The following COL5A2 variants were observed in gnomAD, a reference collection of about 807,000 sequenced individuals.
COL5A2 encodes the protein collagen type V alpha 2 chain.
A neutral mutation model predicts 208.2 loss-of-function variants in COL5A2; 23 were observed. The ratio of observed to expected loss-of-function variants is 0.11; its 90% CI spans 0.08 to 0.16. The LOEUF is 0.16. Among genes scored for constraint, COL5A2 ranks in the 10% least tolerant of loss-of-function variants. The pLI is 1.00. For missense variants in COL5A2, 1,590 were observed against 1,956.4 expected (o/e 0.81, Z 3.53); for synonymous variants, 625 against 628.5 (o/e 0.99, Z 0.08).
the COL5A2 span, among the ~76,000 whole-genome samples, chr2:189,255,158 C>G: frequency 2.0e-3 from 301 of 152,272 alleles, 7 homozygotes; most frequent in East Asian, 0.049. Flanking sequence ...TGATAGGACT[C>G]TCAGAATGCA....
chr2:189,304,573 C>T, the COL5A2 span, among the ~76,000 whole-genome samples: 2 of 152,234 alleles, frequency 1.3e-5, no homozygotes, highest in East Asian at 3.9e-4. Context: ...GAAGGTGCCA[C>T]ACTTTAAAAC....
the COL5A2 span, among the ~76,000 whole-genome samples, chr2:189,386,514 A>G: frequency 6.6e-6 from 1 of 152,204 alleles, no homozygotes; most frequent in Non-Finnish European, 1.5e-5. Context: ...TGTGCACAGC[A>G]AAAGAAATTA....
chr2:189,434,192 A>G, the COL5A2 span, among the ~76,000 whole-genome samples: 1 of 152,208 alleles, frequency 6.6e-6, no homozygotes, highest in African/African-American at 2.4e-5. Context: ...AAATAATAAC[A>G]GCTATTTATG....
chr2:189,078,662 A>G, intron 15 of COL5A2, 93 bp from the exon 16 acceptor site: 1 of 1,022,706 alleles, frequency 9.8e-7, no homozygotes, highest in East Asian at 2.4e-5. Flanking sequence ...GAGATTCAAG[A>G]TAATTGGCCA....
At chr2:189,132,840 G>T (rs886351627) in intron 1 of COL5A2, among the ~76,000 whole-genome samples, 3 of 151,710 alleles carry the variant, frequency 2.0e-5, no homozygotes, top group Admixed American at 6.6e-5. Flanking sequence ...AGAATCGCTT[G>T]AATCCAGGAG....
At chr2:189,256,286 A>G in the COL5A2 span, among the ~76,000 whole-genome samples, 3 of 152,234 alleles carry the variant, frequency 2.0e-5, no homozygotes, top group African/African-American at 7.2e-5. Flanking sequence ...GAGGGACAAG[A>G]CTGAAAACAG....
At chr2:189,390,129 G>C in the COL5A2 span, among the ~76,000 whole-genome samples, 1 of 151,210 alleles carries the variant, frequency 6.6e-6, no homozygotes, top group Non-Finnish European at 1.5e-5. Context: ...CCTAAAATAT[G>C]ATCAAAATAG....
At chr2:189,161,380 C>T (rs1222847981) in intron 1 of COL5A2, among the ~76,000 whole-genome samples, 1 of 151,720 alleles carries the variant, frequency 6.6e-6, no homozygotes, top group Non-Finnish European at 1.5e-5. Context: ...TCTTTGTGTC[C>T]CTATACTCTG....
At chr2:189,039,928 GTTTTAAAAT>G (rs1685523644) in intron 50 of COL5A2, among the ~76,000 whole-genome samples, 3 of 152,138 alleles carry the variant, frequency 2.0e-5, no homozygotes, top group Non-Finnish European at 4.4e-5. Context: ...CAACCAAAAT[GTTTTAAAAT>G]TATTTTTGGA....
chr2:189,037,247 G>A (rs1685462630), intron 51 of COL5A2, among the ~76,000 whole-genome samples: 1 of 152,104 alleles, frequency 6.6e-6, no homozygotes, highest in Non-Finnish European at 1.5e-5. Context: ...ATTACAATTA[G>A]AATGCTATGA....
chr2:189,358,620 G>C, the COL5A2 span, among the ~76,000 whole-genome samples: 1 of 152,096 alleles, frequency 6.6e-6, no homozygotes, highest in African/African-American at 2.4e-5. Flanking sequence ...AACATCTTAG[G>C]TGTTTTGACA....
the COL5A2 span, among the ~76,000 whole-genome samples, chr2:189,333,683 A>G: frequency 1.3e-5 from 2 of 152,086 alleles, no homozygotes; most frequent in East Asian, 3.8e-4. Context: ...ATGTTCTTAT[A>G]AAAAGATAAA....
the COL5A2 span, among the ~76,000 whole-genome samples, chr2:189,431,424 C>T: frequency 6.6e-6 from 1 of 151,926 alleles, no homozygotes; most frequent in African/African-American, 2.4e-5. Flanking sequence ...TTTAACCCAT[C>T]ACAAAAAAAG....
chr2:189,152,152 G>T (rs1688155374), intron 1 of COL5A2, among the ~76,000 whole-genome samples: 1 of 152,176 alleles, frequency 6.6e-6, no homozygotes, highest in African/African-American at 2.4e-5. Flanking sequence ...ACACTGCAAA[G>T]TAATCAGAGC....
the COL5A2 span, among the ~76,000 whole-genome samples, chr2:189,278,585 T>G: frequency 6.6e-6 from 1 of 152,144 alleles, no homozygotes; most frequent in African/African-American, 2.4e-5. Flanking sequence ...CATTAGATTT[T>G]TCTTATATCC....
the COL5A2 span, among the ~76,000 whole-genome samples, chr2:189,283,280 C>A: frequency 4.6e-5 from 7 of 151,448 alleles, no homozygotes; most frequent in Non-Finnish European, 1.5e-5. Context: ...GAAAAGGAAC[C>A]AGGGAAGGAA....
upstream of COL5A2, among the ~76,000 whole-genome samples, chr2:189,180,969 A>C (rs971669598): frequency 6.6e-6 from 1 of 152,204 alleles, no homozygotes; most frequent in South Asian, 2.1e-4. Flanking sequence ...GGTGCCTTGC[A>C]CTGTGCTAAG....
rs1275018864 is a variant in COL5A2, at chr2:189,053,877, C to A, written c.2499+18G>T. On this transcript the variant is annotated intron_variant, in intron 37 of 53. Transcript: ENST00000374866. ...TGCTCAATCTCACACTAAAGAACAC[C>A]AAAATACTGTCACTTACAGGATTGC... is the stretch of plus-strand genomic sequence containing the variant. 16 of 1,608,298 alleles carry A rather than the reference C, an allele frequency of 9.9e-6. No homozygotes were observed. The Middle Eastern group carries it at 4.9e-4, about 50-fold the overall frequency.
intron 51 of COL5A2, among the ~76,000 whole-genome samples, chr2:189,038,796 TCTC>T (rs1685494940): frequency 6.6e-6 from 1 of 152,110 alleles, no homozygotes; most frequent in Non-Finnish European, 1.5e-5. Context: ...TTCATGCCAC[TCTC>T]CTGCCTCAGC....
Sources: gnomAD v4.1 joint callset for allele counts (sites outside exome capture counted in the v4.1 genomes callset) on GRCh38, gnomAD v4.1.1 for gene constraint, MANE v1.5 for transcripts, NCBI Gene and HGNC (gene_info 2026-07-23, HGNC 2026-07-21) for gene names.